The following CELSR3 variants were observed in gnomAD, a reference collection of about 807,000 sequenced individuals.
CELSR3 encodes the protein cadherin EGF LAG seven-pass G-type receptor 3, also known as EGF-like protein 1.
Under a neutral mutation model 270.0 loss-of-function variants are expected in CELSR3, and 73 were observed. That is an observed-to-expected ratio of 0.27 (90% CI 0.22 to 0.33). The LOEUF (loss-of-function observed/expected upper bound fraction) is 0.33. Among genes scored for constraint, CELSR3 ranks in the 10% least tolerant of loss-of-function variants. CELSR3 has a pLI of 1.00. For missense variants in CELSR3, 3,614 were observed against 4,533.8 expected (o/e 0.80, Z 5.83); for synonymous variants, 1,780 against 1,905.4 (o/e 0.93, Z 1.71).
At position 48,657,474 on chromosome 3, in the gene CELSR3, C is replaced by T; in HGVS notation, c.3749-126G>A. 1 of 1,005,610 alleles carries T rather than the reference C, an allele frequency of 9.9e-7. No individual in the cohort carries two copies. 62.3% of individuals were successfully genotyped at this position (1,005,610 alleles called of 1,614,324 possible). ...CCTCTAAGTCAGCAGGCTGACCCCACCAGGACACAAGGGAGTCTGGGGCTA... is the reference window on the plus strand; with the variant it reads ...CCTCTAAGTCAGCAGGCTGACCCCATCAGGACACAAGGGAGTCTGGGGCTA... On this transcript the variant is annotated intron_variant, in intron 1 of 34. Transcript: ENST00000164024. The surrounding 1 kb of genome is among the most constrained non-coding windows in gnomAD (Gnocchi z 5.4).
At position 48,660,740 on chromosome 3, in the gene CELSR3, T is replaced by C. The variant is rs777877882; in HGVS notation, c.1895A>G (p.Asn632Ser). The C allele has an allele frequency of 1.2e-6, 2 of 1,614,102 alleles. No individual in the cohort carries two copies. Among genetic ancestry groups the C allele is most frequent in the East Asian group, 2.2e-5 (1 of 44,878 alleles). ...CTGGATGCTGGCCAGGCCCGTGTTG[T>C]TGGACAGCGGTGGCCGGCCAGCATC... ...AQDAGRPPLS[N>S]NTGLASIQVV... The change falls in exon 1 of 35, where the codon AAC (asparagine) becomes AGC (serine). Residue 632 changes from asparagine (N) to serine (S), a missense_variant. By Grantham distance (46) the Asn-to-Ser change is conservative. Around this residue, in one of 7 missense-constraint regions of CELSR3, gnomAD observed 354 missense variants for 500.9 expected, o/e 0.71. Transcript: ENST00000164024. The surrounding 1 kb of genome is among the most constrained non-coding windows in gnomAD (Gnocchi z 5.5).
chr3:48,645,672 T>C lies in CELSR3; in HGVS notation c.7591-23A>G, dbSNP rs1412966518. ...CCTCTACAGAGACAGGGATGGTTGA[T>C]GGGTTGTTGGGCAGAATCCCCGTGT... On this transcript the variant is annotated intron_variant, in intron 23 of 34. Transcript: ENST00000164024. This position sits in a 1 kb window ranked among gnomAD's most constrained non-coding sequence, Gnocchi z 5.4. The C allele has an allele frequency of 2.5e-6, 4 of 1,603,216 alleles. No individual in the cohort carries two copies. Among genetic ancestry groups the C allele is most frequent in the Non-Finnish European group, 3.4e-6 (4 of 1,172,210 alleles).
Position 48,640,505 on chromosome 3 carries a change from G to A in CELSR3, c.9080C>T (p.Pro3027Leu), listed in dbSNP as rs766028592. 6.2e-7 allele frequency: 1 copy of A among 1,609,048 alleles called. No homozygotes were observed. Among genetic ancestry groups the A allele is most frequent in the Non-Finnish European group, 8.5e-7 (1 of 1,177,690 alleles). ...GGCTGCACGGCACCAGGACAGCTCA[G>A]GGGCACCTCGGGTCTGTGGCACCAG... ...YPLVPQTRGA[P>L]ELSWCRAATL... Residue 3027 changes from proline (P) to leucine (L), a missense_variant, in exon 34 of 35, where the codon CCT (proline) becomes CTT (leucine). Coordinates refer to ENST00000164024, the MANE Select transcript of CELSR3 (RefSeq NM_001407.3). The surrounding 1 kb of genome is among the most constrained non-coding windows in gnomAD (Gnocchi z 7.5).
rs750689389 is a variant in CELSR3, at chr3:48,639,824, T to C, written c.9761A>G (p.Asn3254Ser). Residue 3254 changes from asparagine to serine, a missense_variant, in exon 34 of 35, where the codon AAC becomes AGC. Physicochemically the swap from Asn to Ser is conservative, Grantham distance 46. This residue lies in a region of CELSR3 where 1,240 missense variants were observed against 1,351.7 expected (regional missense o/e 0.92). Transcript: ENST00000164024. The surrounding 1 kb of genome is among the most constrained non-coding windows in gnomAD (Gnocchi z 4.1). ...DILSSILASF[N>S]SSALSSVQSS... Reference sequence around the variant, plus strand: ...TTGCACAGAGGAGAGGGCCGAGGAGTTGAAAGAGGCAAGGATGGAGGAAAG... The same window carrying C: ...TTGCACAGAGGAGAGGGCCGAGGAGCTGAAAGAGGCAAGGATGGAGGAAAG... 6.2e-7 allele frequency: 1 copy of C among 1,612,868 alleles called. No individual in the cohort carries two copies. Among genetic ancestry groups the C allele is most frequent in the South Asian group, 1.1e-5 (1 of 91,030 alleles).
In CELSR3 at chr3:48,657,642, C is replaced by T. The variant is rs193127541; in HGVS notation, c.3749-294G>A. Among the ~76,000 whole-genome samples the T allele has an allele frequency of 9.2e-5, 14 of 152,294 alleles. No individual in the cohort carries two copies. The highest frequency in any genetic ancestry group is 2.1e-4 in the South Asian group (1 of 4,820). On this transcript the variant is annotated intron_variant, in intron 1 of 34. Transcript: ENST00000164024. This position sits in a 1 kb window ranked among gnomAD's most constrained non-coding sequence, Gnocchi z 5.4. The stretch of plus-strand genomic sequence containing the variant: ...TTAGCAAGTCACTCCCGCAACAGCA[C>T]TCAAGTACCCTAAGTACTCAGTAAC...
Position 48,654,061 on chromosome 3 carries a change from G to A in CELSR3, c.5153-58C>T, listed in dbSNP as rs2047160248. On this transcript the variant is annotated intron_variant, in intron 7 of 34. Coordinates refer to ENST00000164024, the MANE Select transcript of CELSR3 (RefSeq NM_001407.3). This position sits in a 1 kb window ranked among gnomAD's most constrained non-coding sequence, Gnocchi z 5.4. ...ACAAGGGTTGGGGGGCACAAGTGCT[G>A]GACAGGACTTTAGTGTCCAGAGGGG... The A allele has an allele frequency of 6.3e-7, 1 of 1,594,804 alleles. No individual in the cohort carries two copies. The highest frequency in any genetic ancestry group is 1.7e-5 in the Admixed American group (1 of 59,340).
Position 48,654,240 on chromosome 3 carries a change from A to G in CELSR3, c.5152+49T>C, listed in dbSNP as rs761650412. ...GTATGGAGTCCTCCACTTCCTCCCT[A>G]TGATGGGGACAGGGCCATGGGCTAG... On this transcript the variant is annotated intron_variant, in intron 7 of 34. Transcript: ENST00000164024. This position sits in a 1 kb window ranked among gnomAD's most constrained non-coding sequence, Gnocchi z 5.4. The G allele has an allele frequency of 6.2e-7, 1 of 1,608,206 alleles. No homozygotes were observed. The highest frequency in any genetic ancestry group is 8.5e-7 in the Non-Finnish European group (1 of 1,176,366).
rs1309315120 is a variant in CELSR3 at position 48,653,436 on chromosome 3, T to C, written c.5448+183A>G. 9.9e-5 allele frequency among the ~76,000 whole-genome samples: 15 copies of C among 152,162 alleles called. No homozygotes were observed. The highest frequency in any genetic ancestry group is 9.8e-4 in the Admixed American group (15 of 15,266). The stretch of plus-strand genomic sequence containing the variant: ...ATAAGAGAGAGCTATGCTGGAGCCC[T>C]GCACCTGCAGAGGATATAATGATGG... On this transcript the variant is annotated intron_variant, in intron 9 of 34. Coordinates refer to ENST00000164024, the MANE Select transcript of CELSR3 (RefSeq NM_001407.3). The surrounding 1 kb of genome is among the most constrained non-coding windows in gnomAD (Gnocchi z 6.5).
rs2077056209 is a variant in CELSR3, at chr3:48,660,324, C to G, written c.2311G>C (p.Val771Leu). ...YHLRLNEDAA[V>L]GTSVVSVTAV... ...GTCACGCTGACCACACTGGTGCCCACAGCTGCATCCTCATTCAGTCGTAGG... is the reference window on the plus strand; with the variant it reads ...GTCACGCTGACCACACTGGTGCCCAGAGCTGCATCCTCATTCAGTCGTAGG... The change falls in exon 1 of 35, where the codon GTG becomes CTG. Residue 771 changes from valine to leucine, a missense_variant. Transcript: ENST00000164024. The surrounding 1 kb of genome is among the most constrained non-coding windows in gnomAD (Gnocchi z 5.5). 6.2e-7 allele frequency: 1 copy of G among 1,614,178 alleles called. No homozygotes were observed.
At position 48,652,477 on chromosome 3, in the gene CELSR3, C is replaced by T. The variant is rs1282050851; in HGVS notation, c.5711G>A (p.Ser1904Asn). 1.2e-6 allele frequency: 2 copies of T among 1,613,758 alleles called. No individual in the cohort carries two copies. The highest frequency in any genetic ancestry group is 2.7e-5 in the African/African-American group (2 of 74,948). ...QLHVGGLPPGSAEEAPQGLVG... is the reference protein window; with the variant it reads ...QLHVGGLPPGNAEEAPQGLVG... ...CAGACCCTGAGGAGCCTCCTCTGCACTGCCGGGGGGCAGGCCTCCCACGTG... is the reference window on the plus strand; with the variant it reads ...CAGACCCTGAGGAGCCTCCTCTGCATTGCCGGGGGGCAGGCCTCCCACGTG... The change falls in exon 11 of 35, where the codon AGT (serine) becomes AAT (asparagine). Residue 1904 changes from serine (S) to asparagine (N), a missense_variant. Coordinates refer to ENST00000164024, the MANE Select transcript of CELSR3 (RefSeq NM_001407.3). This position sits in a 1 kb window ranked among gnomAD's most constrained non-coding sequence, Gnocchi z 4.3.
rs531327010 is a variant in CELSR3, at chr3:48,644,470, C to T, written c.8086-175G>A. On this transcript the variant is annotated intron_variant, in intron 26 of 34. Coordinates refer to ENST00000164024, the MANE Select transcript of CELSR3 (RefSeq NM_001407.3). This position sits in a 1 kb window ranked among gnomAD's most constrained non-coding sequence, Gnocchi z 4.8. ...GCATCACAGAAAAAGAAATTGGGAA[C>T]CAGAGAGGGACTGAGAGAGAGAAGC... Among the ~76,000 whole-genome samples, 1 of 152,096 alleles carries T rather than the reference C, an allele frequency of 6.6e-6. No homozygotes were observed. Among genetic ancestry groups the T allele is most frequent in the East Asian group, 1.9e-4 (1 of 5,184 alleles).
intron 28 of CELSR3, 136 bp downstream of exon 28, chr3:48,643,418 C>A: frequency 8.1e-7 from 1 of 1,241,284 alleles, no homozygotes; most frequent in Non-Finnish European, 1.1e-6. Flanking sequence ...AGTGTCTGGT[C>A]TGGGGTAGTA....
chr3:48,658,827 A>C lies in CELSR3; in HGVS notation c.3748+60T>G. 1.3e-6 allele frequency: 2 copies of C among 1,573,024 alleles called. No individual in the cohort carries two copies. Among genetic ancestry groups the C allele is most frequent in the Non-Finnish European group, 8.7e-7 (1 of 1,155,578 alleles). Reference sequence around the variant, plus strand: ...CTCTTTGGTTTGAGGTGCCCTGTGGAGTCCCTGAGGCCCAACAGGTTGGTG... The same window carrying C: ...CTCTTTGGTTTGAGGTGCCCTGTGGCGTCCCTGAGGCCCAACAGGTTGGTG... On this transcript the variant is annotated intron_variant, in intron 1 of 34. Coordinates refer to ENST00000164024, the MANE Select transcript of CELSR3 (RefSeq NM_001407.3). This position sits in a 1 kb window ranked among gnomAD's most constrained non-coding sequence, Gnocchi z 4.7.
chr3:48,643,224 T>C (rs1310511254), intron 28 of CELSR3, 141 bp from the exon 29 acceptor site: 3 of 653,836 alleles, frequency 4.6e-6, no homozygotes, highest in African/African-American at 3.7e-5. Flanking sequence ...AGTAAGGGAG[T>C]TGGGGAAGGT....
Position 48,641,275 on chromosome 3 carries a change from A to C in CELSR3, c.9025+49T>G, listed in dbSNP as rs751576448. On this transcript the variant is annotated intron_variant, in intron 33 of 34. Transcript: ENST00000164024. This position sits in a 1 kb window ranked among gnomAD's most constrained non-coding sequence, Gnocchi z 4.8. The stretch of plus-strand genomic sequence containing the variant: ...CTGCAATCCCTTGGCTCAGGGCATG[A>C]GCAGCCCCCAGCGTGTCTGCGGTGT... 2.4e-6 allele frequency: 3 copies of C among 1,239,570 alleles called. No individual in the cohort carries two copies. In the African/African-American group the frequency reaches 4.4e-5, roughly 18 times the overall value. 76.8% of individuals were successfully genotyped at this position (1,239,570 alleles called of 1,614,324 possible). A position where few individuals can be genotyped will look rare whatever the true frequency, so the allele number is the denominator to read the frequency against.
In CELSR3 at chr3:48,646,203, G is replaced by A. The variant is rs375748006; in HGVS notation, c.7350C>T (p.His2450=). The part of the protein sequence containing the change: ...NSPVVSVAVF[H]GRNFLRGILE... The stretch of plus-strand genomic sequence containing the variant: ...GGATTCCCCTTAGGAAGTTGCGTCC[G>A]TGGAACACAGCCACGCTGACCACCG... Residue 2450 remains histidine (H), a synonymous_variant, in exon 22 of 35, where the codon CAC becomes CAT. Coordinates refer to ENST00000164024, the MANE Select transcript of CELSR3 (RefSeq NM_001407.3). This position sits in a 1 kb window ranked among gnomAD's most constrained non-coding sequence, Gnocchi z 4.8. The A allele has an allele frequency of 3.2e-5, 51 of 1,612,782 alleles. No individual in the cohort carries two copies. The African/African-American group carries it at 3.6e-4, about 11-fold the overall frequency.
rs761258440 is a variant in CELSR3 at position 48,639,105 on chromosome 3, A to G, written c.9911+569T>C. 6.6e-6 allele frequency among the ~76,000 whole-genome samples: 1 copy of G among 151,958 alleles called. No individual in the cohort carries two copies. The highest frequency in any genetic ancestry group is 2.4e-5 in the African/African-American group (1 of 41,328). ...CCTTCCCCACAGATGCTTCACACATACCCGAGATGAACCAGGTTCCAACTC... is the reference window on the plus strand; with the variant it reads ...CCTTCCCCACAGATGCTTCACACATGCCCGAGATGAACCAGGTTCCAACTC... On this transcript the variant is annotated intron_variant, in intron 34 of 34. Coordinates refer to ENST00000164024, the MANE Select transcript of CELSR3 (RefSeq NM_001407.3). The surrounding 1 kb of genome is among the most constrained non-coding windows in gnomAD (Gnocchi z 4.1).
rs200890915 is a variant in CELSR3 at position 48,657,091 on chromosome 3, G to A, written c.4006C>T (p.Arg1336Cys). Residue 1336 changes from arginine to cysteine, a missense_variant, in exon 2 of 35, where the codon CGT (arginine) becomes TGT (cysteine). Coordinates refer to ENST00000164024, the MANE Select transcript of CELSR3 (RefSeq NM_001407.3). The surrounding 1 kb of genome is among the most constrained non-coding windows in gnomAD (Gnocchi z 5.4). ...LNVSFSALAPRGAGAGAAGPW... is the reference protein window; with the variant it reads ...LNVSFSALAPCGAGAGAAGPW... ...CCTGCAGCGCCCGCCCCGGCCCCACGTGGAGCTAGCGCCGAGAAACTCACA... is the reference window on the plus strand; with the variant it reads ...CCTGCAGCGCCCGCCCCGGCCCCACATGGAGCTAGCGCCGAGAAACTCACA... 1.9e-5 allele frequency: 30 copies of A among 1,613,790 alleles called. No individual in the cohort carries two copies. Among genetic ancestry groups the A allele is most frequent in the Non-Finnish European group, 1.6e-5 (19 of 1,179,956 alleles).
At position 48,657,345 on chromosome 3, in the gene CELSR3, C is replaced by G; in HGVS notation, c.3752G>C (p.Gly1251Ala). 1 of 1,591,114 alleles carries G rather than the reference C, an allele frequency of 6.3e-7. No homozygotes were observed. The highest frequency in any genetic ancestry group is 8.6e-7 in the Non-Finnish European group (1 of 1,168,216). The part of the protein sequence containing the change: ...VASMLVTVTD[G>A]LHSVTAQCVL... ...ACACTGCGCCGTCACGCTGTGCAGG[C>G]CATCTGCAGGCGGGGGCAGGGGCAG... Residue 1251 changes from glycine to alanine, a missense_variant, in exon 2 of 35, where the codon GGC becomes GCC. Gly to Ala is a moderately conservative substitution (Grantham distance 60, BLOSUM62 0). Around this residue, in one of 7 missense-constraint regions of CELSR3, gnomAD observed 1,331 missense variants for 1,933.7 expected, o/e 0.69. Coordinates refer to ENST00000164024, the MANE Select transcript of CELSR3 (RefSeq NM_001407.3). This position sits in a 1 kb window ranked among gnomAD's most constrained non-coding sequence, Gnocchi z 5.4.
Sources: allele counts gnomAD v4.1 joint callset (sites outside exome capture counted in the v4.1 genomes callset), GRCh38; gene constraint gnomAD v4.1.1; regional missense constraint gnomAD v4.1.1; non-coding constraint Gnocchi (gnomAD v3.1); transcripts MANE v1.5; gene names NCBI Gene and HGNC (gene_info 2026-07-23, HGNC 2026-07-21).